ITGB3BP: variants seen among roughly 807,000 people sequenced by gnomAD.
ITGB3BP encodes the protein integrin subunit beta 3 binding protein.
ITGB3BP carries 27 observed loss-of-function variants against 29.1 expected under a neutral mutation model. That is an observed-to-expected ratio of 0.93 (90% CI 0.68 to 1.28). The LOEUF is 1.28. Among genes scored for constraint, ITGB3BP ranks in the 50% most tolerant of loss-of-function variants. The pLI, the probability that ITGB3BP is intolerant of heterozygous loss-of-function variation, is 0.00. For synonymous variants in ITGB3BP, 61 were observed against 61.4 expected (o/e 0.99, Z 0.03); for missense variants, 192 against 200.2 (o/e 0.96, Z 0.25).
chr1:63,489,421 C>A (rs1253503189), intron 3 of ITGB3BP, among the ~76,000 whole-genome samples: 59 of 139,104 alleles, frequency 4.2e-4, no homozygotes, highest in African/African-American at 1.4e-3. Context: ...AAAAAAAAAA[C>A]CCCACGGAAT....
chr1:63,510,811 T>C (rs765984865), intron 1 of ITGB3BP, among the ~76,000 whole-genome samples: 2 of 152,156 alleles, frequency 1.3e-5, no homozygotes, highest in South Asian at 4.1e-4. Context: ...ACAGAGTTTA[T>C]GACCATCTAT....
At chr1:63,462,138 T>C (rs1208207575) in intron 4 of ITGB3BP, among the ~76,000 whole-genome samples, 1 of 152,246 alleles carries the variant, frequency 6.6e-6, no homozygotes, top group Non-Finnish European at 1.5e-5. Context: ...TTTATTTAGA[T>C]CTTCTTTAAT....
intron 8 of ITGB3BP, among the ~76,000 whole-genome samples, chr1:63,445,920 C>T (rs1474141323): frequency 6.6e-6 from 1 of 151,016 alleles, no homozygotes; most frequent in African/African-American, 2.4e-5. Flanking sequence ...TTGTTTTTTC[C>T]TGAGACAGAG....
At position 63,454,518 on chromosome 1, in the gene ITGB3BP, G is replaced by GTC; in HGVS notation, c.334-46_334-45insGA. 2.3e-6 allele frequency: 2 copies of GTC among 879,496 alleles called. No homozygotes were observed. The highest frequency in any genetic ancestry group is 3.6e-6 in the Non-Finnish European group (2 of 549,670). 54.5% of individuals were successfully genotyped at this position (879,496 alleles called of 1,614,324 possible). A position where few individuals can be genotyped will look rare whatever the true frequency, so the allele number is the denominator to read the frequency against. ...AATGAGTTAAGTTCTCTACACACAT[G>GTC]AGATTACTGACATGTCTAGTGAAAA... On this transcript the variant is annotated intron_variant, in intron 5 of 8. Coordinates refer to ENST00000271002, the MANE Select transcript of ITGB3BP (RefSeq NM_014288.5). This position sits in a 1 kb window ranked among gnomAD's most constrained non-coding sequence, Gnocchi z 4.1.
chr1:63,472,623 G>A (rs1479281415), intron 4 of ITGB3BP, among the ~76,000 whole-genome samples: 9 of 149,852 alleles, frequency 6.0e-5, no homozygotes, highest in East Asian at 3.9e-4. Context: ...GGCGCGCGCC[G>A]CCACGCCTGA....
chr1:63,442,106 CAA>C (rs1227338340), intron 8 of ITGB3BP, among the ~76,000 whole-genome samples: 2 of 152,184 alleles, frequency 1.3e-5, no homozygotes, highest in Non-Finnish European at 2.9e-5. Flanking sequence ...CAAAAACAAA[CAA>C]ACAGATAATC....
intron 2 of ITGB3BP, among the ~76,000 whole-genome samples, chr1:63,507,455 G>A (rs1024705614): frequency 1.3e-5 from 2 of 152,070 alleles, no homozygotes; most frequent in Non-Finnish European, 2.9e-5. Context: ...TTTAAACAAT[G>A]TTACCATCTC....
At chr1:63,446,626 G>A in intron 8 of ITGB3BP, 180 bp downstream of exon 8, 2 of 576,542 alleles carry the variant, frequency 3.5e-6, no homozygotes, top group Non-Finnish European at 6.3e-6. Flanking sequence ...GATGTCAGAT[G>A]CCCTCCTGTT....
At chr1:63,484,416 T>C (rs1196353213) in intron 3 of ITGB3BP, among the ~76,000 whole-genome samples, 4 of 152,096 alleles carry the variant, frequency 2.6e-5, no homozygotes, top group African/African-American at 9.7e-5. Context: ...ATAATGTAGG[T>C]ATAAATTTTT....
At chr1:63,526,887 C>A (rs1646601044), upstream of ITGB3BP, among the ~76,000 whole-genome samples, 1 of 152,094 alleles carries the variant, frequency 6.6e-6, no homozygotes, top group African/African-American at 2.4e-5. Flanking sequence ...GCCTCAGCCT[C>A]CTGGGTAGCT....
At chr1:63,465,986 G>A (rs1645093657) in intron 4 of ITGB3BP, among the ~76,000 whole-genome samples, 1 of 152,042 alleles carries the variant, frequency 6.6e-6, no homozygotes, top group Admixed American at 6.5e-5. Flanking sequence ...GCTGACCCAA[G>A]ATGTTTTTAT....
At chr1:63,511,271 A>C (rs550241619) in intron 1 of ITGB3BP, among the ~76,000 whole-genome samples, 26 of 152,288 alleles carry the variant, frequency 1.7e-4, no homozygotes, top group African/African-American at 5.1e-4. Flanking sequence ...AAAACCAAAC[A>C]AAACAAAAAA....
At chr1:63,498,424 C>T (rs1008060221) in intron 2 of ITGB3BP, among the ~76,000 whole-genome samples, 3 of 151,970 alleles carry the variant, frequency 2.0e-5, no homozygotes, top group African/African-American at 7.3e-5. Flanking sequence ...AGAAAATACA[C>T]AAATATGTGT....
rs758093506 is a variant in ITGB3BP at position 63,454,649 on chromosome 1, AC to A, written c.334-177del. The stretch of plus-strand genomic sequence containing the variant: ...CAAGCCCAAAAATGCCTGAAAAAAA[AC>A]AATTTATAATTAACTAAAAAGACTA... On this transcript the variant is annotated intron_variant, in intron 5 of 8. Coordinates refer to ENST00000271002, the MANE Select transcript of ITGB3BP (RefSeq NM_014288.5). This position sits in a 1 kb window ranked among gnomAD's most constrained non-coding sequence, Gnocchi z 4.1. Among the ~76,000 whole-genome samples the A allele has an allele frequency of 2.3e-4, 35 of 152,318 alleles. No individual in the cohort carries two copies. Among genetic ancestry groups the A allele is most frequent in the Admixed American group, 1.9e-3 (29 of 15,302 alleles).
intron 4 of ITGB3BP, among the ~76,000 whole-genome samples, chr1:63,473,317 G>A (rs528215942): frequency 7.3e-5 from 11 of 151,700 alleles, no homozygotes; most frequent in Admixed American, 4.6e-4. Context: ...GTCTCCGCCC[G>A]GCAGCCACCC....
intron 3 of ITGB3BP, among the ~76,000 whole-genome samples, chr1:63,483,647 C>T (rs974273650): frequency 1.3e-5 from 2 of 152,074 alleles, no homozygotes; most frequent in African/African-American, 4.8e-5. Context: ...GAATGCTTGA[C>T]TCAATAGTTT....
intron 4 of ITGB3BP, among the ~76,000 whole-genome samples, chr1:63,461,019 C>T (rs1645007728): frequency 6.8e-6 from 1 of 147,910 alleles, no homozygotes; most frequent in Admixed American, 6.8e-5. Flanking sequence ...GTGGGCAGAT[C>T]ACGAGGTTAG....
rs1557622482 is a variant in ITGB3BP, at chr1:63,471,261, A to ACT, written c.254+7502_254+7503insAG. On this transcript the variant is annotated intron_variant, in intron 4 of 8. Coordinates refer to ENST00000271002, the MANE Select transcript of ITGB3BP (RefSeq NM_014288.5). ...CTAATCCAAGGTCCAGTCCTCTAAA[A>ACT]GTTTTTTTTTTTTTTTTTTGAGACA... Among the ~76,000 whole-genome samples, 3 of 120,636 alleles carry ACT rather than the reference A, an allele frequency of 2.5e-5. No homozygotes were observed. The East Asian group carries it at 8.2e-4, about 33-fold the overall frequency. 79.1% of individuals were successfully genotyped at this position (120,636 alleles called of 152,430 possible).
intron 4 of ITGB3BP, chr1:63,457,141 C>T (rs950731422): frequency 1.3e-5 from 2 of 152,114 alleles, no homozygotes; most frequent in African/African-American, 4.8e-5. Flanking sequence ...CACCTTTTTC[C>T]CACCTTGAAG....
Sources: gnomAD v4.1 joint callset for allele counts (sites outside exome capture counted in the v4.1 genomes callset) on GRCh38, gnomAD v4.1.1 for gene constraint, Gnocchi (gnomAD v3.1) non-coding constraint, MANE v1.5 for transcripts, NCBI Gene and HGNC (gene_info 2026-07-23, HGNC 2026-07-21) for gene names.